PRKCE: variants seen among roughly 807,000 people sequenced by gnomAD.
PRKCE encodes protein kinase C epsilon.
PRKCE carries 16 observed loss-of-function variants against 85.4 expected under a neutral mutation model. The ratio of observed to expected loss-of-function variants is 0.19; its 90% confidence interval spans 0.13 to 0.28. The LOEUF is 0.28. PRKCE is among the 10% of genes least tolerant of loss of function. PRKCE has a pLI of 1.00. For missense variants in PRKCE, 573 were observed against 975.2 expected (o/e 0.59, Z 5.49); for synonymous variants, 388 against 371.5 (o/e 1.04, Z -0.51).
At chr2:45,765,678 G>C (rs1168388576) in intron 1 of PRKCE, among the ~76,000 whole-genome samples, 1 of 152,156 alleles carries the variant, frequency 6.6e-6, no homozygotes, top group East Asian at 1.9e-4. Context: ...CCAAAGTTCT[G>C]ATGGTGCTGG....
intron 11 of PRKCE, among the ~76,000 whole-genome samples, chr2:46,101,495 ATGGGTCTG>A (rs1323513717): frequency 6.6e-6 from 1 of 152,196 alleles, no homozygotes; most frequent in Non-Finnish European, 1.5e-5. Context: ...GGAACACCAA[ATGGGTCTG>A]TGGCTCTACA....
Position 46,184,892 on chromosome 2 carries a change from C to T in PRKCE, c.*11C>T, listed in dbSNP as rs571801707. ...GACCTGATGCCCTGAGAGCCCACTGCAGTTGGACTTTGCCGATGCTGCAAG... is the reference window on the plus strand; with the variant it reads ...GACCTGATGCCCTGAGAGCCCACTGTAGTTGGACTTTGCCGATGCTGCAAG... On this transcript the variant is annotated 3_prime_UTR_variant, in exon 15 of 15. Transcript: ENST00000306156. This position sits in a 1 kb window ranked among gnomAD's most constrained non-coding sequence, Gnocchi z 5.0. The T allele has an allele frequency of 4.4e-6, 7 of 1,599,532 alleles. No individual in the cohort carries two copies. The East Asian group carries it at 1.3e-4, about 31-fold the overall frequency.
At chr2:45,908,654 C>A (rs1697160801) in intron 2 of PRKCE, among the ~76,000 whole-genome samples, 1 of 152,148 alleles carries the variant, frequency 6.6e-6, no homozygotes, top group South Asian at 2.1e-4. Context: ...CCATCAAAAG[C>A]CATGACTCAT....
At chr2:46,073,209 C>T (rs939239730) in intron 10 of PRKCE, among the ~76,000 whole-genome samples, 5 of 152,176 alleles carry the variant, frequency 3.3e-5, no homozygotes, top group Non-Finnish European at 5.9e-5. Flanking sequence ...GGAAGGAACT[C>T]ATTGTAGAAC....
intron 11 of PRKCE, among the ~76,000 whole-genome samples, chr2:46,117,515 C>A (rs17034557): frequency 0.018 from 2,751 of 152,198 alleles, 76 homozygotes; most frequent in African/African-American, 0.063. Context: ...CAGAGATTTC[C>A]GGGCTCCCCA....
intron 10 of PRKCE, among the ~76,000 whole-genome samples, chr2:46,022,849 C>T (rs567784957): frequency 3.2e-4 from 49 of 151,538 alleles, no homozygotes; most frequent in African/African-American, 1.1e-3. Flanking sequence ...TTTGGGAGGC[C>T]GAGGCGGGTG....
chr2:46,122,397 A>AT, intron 11 of PRKCE, among the ~76,000 whole-genome samples: 1 of 151,962 alleles, frequency 6.6e-6, no homozygotes, highest in South Asian at 2.1e-4. Context: ...TGCCCAGCTA[A>AT]TTTTTGTATT....
intron 6 of PRKCE, among the ~76,000 whole-genome samples, chr2:45,997,433 T>G (rs1411867081): frequency 1.3e-5 from 2 of 152,136 alleles, no homozygotes; most frequent in Non-Finnish European, 2.9e-5. Context: ...ATTTTTAGAA[T>G]GTTTTTCCTA....
intron 1 of PRKCE, among the ~76,000 whole-genome samples, chr2:45,726,724 A>G (rs1362236118): frequency 3.3e-5 from 5 of 152,300 alleles, no homozygotes; most frequent in African/African-American, 9.6e-5. Context: ...CTTCTAAAAA[A>G]TATTGCTGAT....
intron 1 of PRKCE, among the ~76,000 whole-genome samples, chr2:45,799,355 A>G (rs1010342086): frequency 6.6e-6 from 1 of 152,176 alleles, no homozygotes; most frequent in Non-Finnish European, 1.5e-5. Context: ...AAAATTGAGT[A>G]TATATTTAGT....
intron 13 of PRKCE, among the ~76,000 whole-genome samples, chr2:46,151,988 A>G (rs546411436): frequency 6.6e-6 from 1 of 152,330 alleles, no homozygotes; most frequent in African/African-American, 2.4e-5. Context: ...CTAAGATAGG[A>G]TGAGGGTGAC....
At chr2:46,074,182 T>C (rs961963807) in intron 10 of PRKCE, among the ~76,000 whole-genome samples, 2 of 152,106 alleles carry the variant, frequency 1.3e-5, no homozygotes, top group Non-Finnish European at 2.9e-5. Context: ...CTTTGCATAT[T>C]CTTAGGAAAG....
At chr2:46,055,423 T>C (rs1241487154) in intron 10 of PRKCE, among the ~76,000 whole-genome samples, 1 of 152,216 alleles carries the variant, frequency 6.6e-6, no homozygotes, top group African/African-American at 2.4e-5. Context: ...TCTAGTTCCC[T>C]CCCATGAAGG....
At chr2:46,046,081 T>C (rs1031861021) in intron 10 of PRKCE, among the ~76,000 whole-genome samples, 1 of 152,132 alleles carries the variant, frequency 6.6e-6, no homozygotes, top group African/African-American at 2.4e-5. Context: ...TATCTGATGG[T>C]AAATGAAATA....
intron 2 of PRKCE, among the ~76,000 whole-genome samples, chr2:45,965,333 G>T (rs1025267452): frequency 6.6e-6 from 1 of 152,190 alleles, no homozygotes; most frequent in African/African-American, 2.4e-5. Context: ...ATTGTTCTAT[G>T]GAAAATTACA....
At chr2:45,973,141 C>T (rs868297556) in intron 2 of PRKCE, among the ~76,000 whole-genome samples, 2 of 152,148 alleles carry the variant, frequency 1.3e-5, no homozygotes, top group African/African-American at 2.4e-5. Flanking sequence ...CCTTTCATAG[C>T]GGAGGGAAAT....
intron 10 of PRKCE, among the ~76,000 whole-genome samples, chr2:46,047,325 T>A (rs1289368202): frequency 2.0e-5 from 3 of 152,166 alleles, no homozygotes; most frequent in Non-Finnish European, 2.9e-5. Flanking sequence ...ATGGACAAGA[T>A]CCCGTTAAGG....
intron 2 of PRKCE, among the ~76,000 whole-genome samples, chr2:45,921,472 C>T (rs893558452): frequency 1.3e-5 from 2 of 152,220 alleles, no homozygotes; most frequent in African/African-American, 2.4e-5. Flanking sequence ...CATGTATTAG[C>T]TTATTTGTTC....
intron 1 of PRKCE, among the ~76,000 whole-genome samples, chr2:45,751,217 T>C (rs1386567615): frequency 6.6e-6 from 1 of 152,218 alleles, no homozygotes; most frequent in Non-Finnish European, 1.5e-5. Context: ...CATAATGGTG[T>C]GTACATCATA....
Sources: allele counts gnomAD v4.1 joint callset (sites outside exome capture counted in the v4.1 genomes callset), GRCh38; gene constraint gnomAD v4.1.1; non-coding constraint Gnocchi (gnomAD v3.1); transcripts MANE v1.5; gene names NCBI Gene and HGNC (gene_info 2026-07-23, HGNC 2026-07-21).